The following CNTNAP2 variants were observed in gnomAD, a reference collection of about 807,000 sequenced individuals.
The protein encoded by CNTNAP2 is contactin-associated protein-like 2.
A neutral mutation model predicts 155.2 loss-of-function variants in CNTNAP2; 98 were observed. That is an observed-to-expected ratio of 0.63 (90% confidence interval 0.54 to 0.75). The LOEUF is 0.75. Among genes scored for constraint, CNTNAP2 ranks in the 30% least tolerant of loss-of-function variants. The pLI, the probability that CNTNAP2 is intolerant of heterozygous loss-of-function variation, is 0.00. For missense variants in CNTNAP2, 1,727 were observed against 1,688.1 expected, an observed-to-expected ratio of 1.02 and a Z score of -0.40; for synonymous variants, 651 against 631.2, an observed-to-expected ratio of 1.03 and a Z score of -0.47.
At chr7:146,747,451 T>C (rs1801828307) in intron 1 of CNTNAP2, among the ~76,000 whole-genome samples, 1 of 152,224 alleles carries the variant, frequency 6.6e-6, no homozygotes, top group South Asian at 2.1e-4. Flanking sequence ...TTTCAGTGAA[T>C]AATTGCTTTT....
intron 3 of CNTNAP2, among the ~76,000 whole-genome samples, chr7:146,929,158 C>A (rs13233457): frequency 0.35 from 53,181 of 152,050 alleles, 9,943 homozygotes; most frequent in Middle Eastern, 0.41. Context: ...TGACCCCTGA[C>A]CTCCGAGCAG....
In CNTNAP2 at chr7:147,774,621, C is replaced by T. The variant is rs148834433; in HGVS notation, c.2099-128944C>T. ...GATTAGTCCTCATAAGCAGAAATGC[C>T]GGAGAGCTCACTGGCTCCCTGCCAT... On this transcript the variant is annotated intron_variant, in intron 13 of 23. Coordinates refer to ENST00000361727, the MANE Select transcript of CNTNAP2 (RefSeq NM_014141.6). Among the ~76,000 whole-genome samples, 168 of 152,188 alleles carry T rather than the reference C, an allele frequency of 1.1e-3. 1 individual carries two copies. The highest frequency in any genetic ancestry group is 1.4e-3 in the African/African-American group (60 of 41,530).
At chr7:147,026,197 A>G (rs1798916024) in intron 3 of CNTNAP2, among the ~76,000 whole-genome samples, 1 of 152,180 alleles carries the variant, frequency 6.6e-6, no homozygotes, top group South Asian at 2.1e-4. Context: ...ACATTGTTTG[A>G]AAGTTCATAG....
At chr7:148,388,602 G>C (rs1361085612) in intron 22 of CNTNAP2, among the ~76,000 whole-genome samples, 2 of 152,052 alleles carry the variant, frequency 1.3e-5, no homozygotes, top group African/African-American at 4.8e-5. Context: ...GAGGAGGAGA[G>C]GTGCTCTGCT....
intron 3 of CNTNAP2, among the ~76,000 whole-genome samples, chr7:146,890,724 C>A (rs919047982): frequency 2.0e-5 from 3 of 152,124 alleles, no homozygotes; most frequent in Admixed American, 2.0e-4. Context: ...TGCAAATTTT[C>A]TTTAGGCTTT....
chr7:147,769,164 TTTATGC>T (rs1463781873), intron 13 of CNTNAP2, among the ~76,000 whole-genome samples: 3 of 152,184 alleles, frequency 2.0e-5, no homozygotes, highest in Non-Finnish European at 4.4e-5. Context: ...ATTTGGTCAA[TTTATGC>T]TAATTGGCAA....
chr7:148,236,365 G>C (rs143291054), intron 20 of CNTNAP2, among the ~76,000 whole-genome samples: 330 of 152,316 alleles, frequency 2.2e-3, no homozygotes, highest in African/African-American at 7.2e-3. Flanking sequence ...CTGCCCCATT[G>C]TTGGTCAAAG....
intron 3 of CNTNAP2, among the ~76,000 whole-genome samples, chr7:146,948,193 C>T (rs1797230502): frequency 6.6e-6 from 1 of 152,088 alleles, no homozygotes; most frequent in African/African-American, 2.4e-5. Context: ...TTATTTAAAA[C>T]AAGGGCCAAA....
At chr7:146,498,853 A>C (rs1400356178) in intron 1 of CNTNAP2, among the ~76,000 whole-genome samples, 1 of 152,206 alleles carries the variant, frequency 6.6e-6, no homozygotes, top group African/African-American at 2.4e-5. Context: ...ATGGGTGCTG[A>C]AAAGACTTAG....
At chr7:148,346,665 G>A (rs1798331783) in intron 21 of CNTNAP2, among the ~76,000 whole-genome samples, 1 of 151,886 alleles carries the variant, frequency 6.6e-6, no homozygotes, top group Non-Finnish European at 1.5e-5. Context: ...CCAGCTACCT[G>A]GGAGGCTGAG....
chr7:146,297,719 G>A lies in CNTNAP2; in HGVS notation c.97+180746G>A, dbSNP rs558181802. Among the ~76,000 whole-genome samples the A allele has an allele frequency of 2.0e-5, 3 of 151,976 alleles. No individual in the cohort carries two copies. The South Asian group carries it at 6.2e-4, about 31-fold the overall frequency. On this transcript the variant is annotated intron_variant, in intron 1 of 23. Transcript: ENST00000361727. Reference sequence around the variant, plus strand: ...AGTAATTGGCATTAATAGCTTTTAGGTTATTCCAATGTTTATTTGTAGTGC... The same window carrying A: ...AGTAATTGGCATTAATAGCTTTTAGATTATTCCAATGTTTATTTGTAGTGC...
chr7:147,346,162 T>TGAGACAGAGTCTCGCTCTG, intron 9 of CNTNAP2, among the ~76,000 whole-genome samples: 1 of 148,234 alleles, frequency 6.7e-6, no homozygotes, highest in Non-Finnish European at 1.5e-5. Flanking sequence ...TATTTTTTTT[T>TGAGACAGAGTCTCGCTCTG]TTTGAGACAG....
At chr7:146,417,749 A>C (rs1795957932) in intron 1 of CNTNAP2, among the ~76,000 whole-genome samples, 1 of 152,210 alleles carries the variant, frequency 6.6e-6, no homozygotes, top group African/African-American at 2.4e-5. Context: ...TAGTTTCAAC[A>C]GGTGATTTAG....
chr7:147,451,569 T>C (rs921796053), intron 10 of CNTNAP2, among the ~76,000 whole-genome samples: 1 of 152,026 alleles, frequency 6.6e-6, no homozygotes. Flanking sequence ...CAGAGAAAAC[T>C]TTCTCAAGAT....
chr7:148,259,237 T>G (rs189601640), intron 20 of CNTNAP2, among the ~76,000 whole-genome samples: 1 of 128,912 alleles, frequency 7.8e-6, no homozygotes, highest in Admixed American at 8.3e-5. Context: ...GCACCTGTGG[T>G]CCCAGCTACT....
intron 1 of CNTNAP2, among the ~76,000 whole-genome samples, chr7:146,472,168 G>C (rs893706293): frequency 3.9e-5 from 6 of 152,150 alleles, no homozygotes; most frequent in African/African-American, 1.4e-4. Flanking sequence ...TTCACAGTGG[G>C]TGGATATGAC....
At chr7:146,525,510 T>C (rs1420314167) in intron 1 of CNTNAP2, among the ~76,000 whole-genome samples, 2 of 151,778 alleles carry the variant, frequency 1.3e-5, no homozygotes, top group Admixed American at 1.3e-4. Context: ...AAATTATTCT[T>C]TGCATTTTCT....
At chr7:148,284,993 G>A (rs1365589865) in intron 21 of CNTNAP2, among the ~76,000 whole-genome samples, 2 of 152,156 alleles carry the variant, frequency 1.3e-5, no homozygotes, top group African/African-American at 2.4e-5. Context: ...GCACTTTGAA[G>A]GAAGAATAGA....
At chr7:146,201,616 A>C (rs1301839519) in intron 1 of CNTNAP2, among the ~76,000 whole-genome samples, 3 of 150,836 alleles carry the variant, frequency 2.0e-5, no homozygotes, top group Non-Finnish European at 4.4e-5. Context: ...AATGAAACAG[A>C]ACTTTTTTTT....
Sources: gnomAD v4.1 joint callset for allele counts (sites outside exome capture counted in the v4.1 genomes callset) on GRCh38, gnomAD v4.1.1 for gene constraint, MANE v1.5 for transcripts, NCBI Gene and HGNC (gene_info 2026-07-23, HGNC 2026-07-21) for gene names.